The following SUGT1 variants were observed in gnomAD, a reference collection of about 807,000 sequenced individuals.
SUGT1 encodes the protein protein SGT1 homolog.
A neutral mutation model predicts 56.1 loss-of-function variants in SUGT1; 15 were observed. The observed-to-expected ratio is 0.27, with a 90% CI of 0.18 to 0.41. The LOEUF is 0.41. Among genes scored for constraint, SUGT1 ranks in the 10% least tolerant of loss-of-function variants. The probability of loss-of-function intolerance (pLI) is 1.00; values close to 1 mark genes in which losing one functional copy is unlikely to be tolerated. For missense variants in SUGT1, 347 were observed against 382.2 expected (o/e 0.91, Z 0.77); for synonymous variants, 123 against 128.6 (o/e 0.96, Z 0.30).
intron 11 of SUGT1, among the ~76,000 whole-genome samples, chr13:52,677,468 T>C (rs902217089): frequency 6.6e-6 from 1 of 152,146 alleles, no homozygotes; most frequent in East Asian, 1.9e-4. Context: ...TGTGTTTCTT[T>C]TAGGACTGAC....
intron 12 of SUGT1, among the ~76,000 whole-genome samples, chr13:52,682,359 T>C (rs1963412931): frequency 1.8e-5 from 2 of 114,208 alleles, no homozygotes; most frequent in African/African-American, 6.8e-5. Context: ...CTGCCATGCC[T>C]GGCTAATTTT....
At chr13:52,661,873 TTTTAA>T (rs769204371) in intron 5 of SUGT1, among the ~76,000 whole-genome samples, 81 of 152,164 alleles carry the variant, frequency 5.3e-4, no homozygotes, top group Admixed American at 7.2e-4. Context: ...GTTAAGAAAT[TTTTAA>T]TTTAAGATTT....
At chr13:52,655,188 A>G (rs926421972) in intron 2 of SUGT1, among the ~76,000 whole-genome samples, 21 of 152,202 alleles carry the variant, frequency 1.4e-4, no homozygotes, top group Non-Finnish European at 2.6e-4. Flanking sequence ...TATTAAAAAT[A>G]CAAAAAATTA....
chr13:52,655,853 T>A (rs1962140337), intron 2 of SUGT1, among the ~76,000 whole-genome samples: 1 of 152,240 alleles, frequency 6.6e-6, no homozygotes, highest in South Asian at 2.1e-4. Context: ...GACCACTGTC[T>A]AGGCTCAAGA....
chr13:52,673,802 T>C (rs1963034068), intron 10 of SUGT1, among the ~76,000 whole-genome samples: 1 of 152,252 alleles, frequency 6.6e-6, no homozygotes, highest in Admixed American at 6.5e-5. Flanking sequence ...GCAATTTTAA[T>C]TTTTCAGATA....
chr13:52,693,516 T>A lies in SUGT1; in HGVS notation c.*5681T>A, dbSNP rs1963838131. On this transcript the variant is annotated 3_prime_UTR_variant, in exon 13 of 13. Coordinates refer to ENST00000310528, the MANE Select transcript of SUGT1 (RefSeq NM_006704.5). ...AAATGCATGGACTCTGAAGCCATCC[T>A]GTTTGGGATCATCCTGGCTACATTG... 1 of 152,238 alleles carries A rather than the reference T, an allele frequency of 6.6e-6. No homozygotes were observed. The allele number at this position is 152,238 out of a possible 1,614,324, so 9.4% of individuals were successfully genotyped here.
Position 52,665,685 on chromosome 13 carries a change from C to G in SUGT1, c.471C>G (p.Ile157Met). The change falls in exon 9 of 13, where the codon ATC becomes ATG. Residue 157 changes from isoleucine (I) to methionine (M), a missense_variant. By Grantham distance (10) the Ile-to-Met change is conservative (BLOSUM62 1). Coordinates refer to ENST00000310528, the MANE Select transcript of SUGT1 (RefSeq NM_006704.5). ...TESQVVITLM[I>M]KNVQKNDVNV... ...CTCAAGTAGTCATTACACTTATGAT[C>G]AAGAATGTTCAGAAGAATGATGTAA... 4.4e-6 allele frequency: 7 copies of G among 1,606,536 alleles called. No individual in the cohort carries two copies. Among genetic ancestry groups the G allele is most frequent in the Non-Finnish European group, 5.9e-6 (7 of 1,177,610 alleles).
At position 52,665,618 on chromosome 13, in the gene SUGT1, T is replaced by TC; in HGVS notation, c.423-18dup. On this transcript the variant is annotated intron_variant, in intron 8 of 12. Coordinates refer to ENST00000310528, the MANE Select transcript of SUGT1 (RefSeq NM_006704.5). ...AAAAATTAGAAGAGTTACCTAAGTT[T>TC]CTTTTTTTTTTTTAATAGGTATGAC... The TC allele has an allele frequency of 6.7e-7, 1 of 1,489,924 alleles. No individual in the cohort carries two copies. The highest frequency in any genetic ancestry group is 9.0e-7 in the Non-Finnish European group (1 of 1,106,884). The allele number at this position is 1,489,924 out of a possible 1,614,324, so 92.3% of individuals were successfully genotyped here. A position where few individuals can be genotyped will look rare whatever the true frequency, so the allele number is the denominator to read the frequency against.
chr13:52,676,199 A>C (rs752209686), intron 10 of SUGT1, 31 bp from the exon 11 acceptor site: 2 of 1,562,540 alleles, frequency 1.3e-6, no homozygotes, highest in South Asian at 2.4e-5. Flanking sequence ...TTTTACGTCG[A>C]GTAATGGAGT....
chr13:52,679,197 A>G (rs981470657), intron 11 of SUGT1, among the ~76,000 whole-genome samples: 2 of 152,026 alleles, frequency 1.3e-5, no homozygotes, highest in Non-Finnish European at 2.9e-5. Flanking sequence ...TTATTTTCTA[A>G]TTATTTGTGT....
rs1179899208 is a variant in SUGT1, at chr13:52,684,778, T to A, written c.901-2956T>A. Among the ~76,000 whole-genome samples the A allele has an allele frequency of 2.0e-5, 3 of 152,048 alleles. No homozygotes were observed. In the East Asian group the frequency reaches 5.8e-4, roughly 29 times the overall value. On this transcript the variant is annotated intron_variant, in intron 12 of 12. Coordinates refer to ENST00000310528, the MANE Select transcript of SUGT1 (RefSeq NM_006704.5). ...CTTGAACTCAAGCAGTCCTCCCATG[T>A]TGACCTCCCAAAGTGCTGAGATTAC...
At chr13:52,659,137 A>AT (rs748320870) in intron 4 of SUGT1, 42 bp from the exon 5 acceptor site, 11 of 1,471,452 alleles carry the variant, frequency 7.5e-6, no homozygotes, top group Non-Finnish European at 9.1e-6. Context: ...TATTTTCCAG[A>AT]TTTTTTGTGT....
intron 2 of SUGT1, among the ~76,000 whole-genome samples, chr13:52,657,316 G>T (rs1424943618): frequency 6.6e-6 from 1 of 152,160 alleles, no homozygotes; most frequent in Non-Finnish European, 1.5e-5. Flanking sequence ...ACGGTACAGA[G>T]ATGCTACATT....
At chr13:52,654,943 G>GT (rs1962087612) in intron 2 of SUGT1, among the ~76,000 whole-genome samples, 2 of 152,298 alleles carry the variant, frequency 1.3e-5, no homozygotes, top group South Asian at 4.1e-4. Context: ...TCTTTTGGTT[G>GT]TATGTACCTA....
intron 3 of SUGT1, among the ~76,000 whole-genome samples, 177 bp downstream of exon 3, chr13:52,657,799 T>C (rs1962239773): frequency 6.6e-6 from 1 of 152,212 alleles, no homozygotes; most frequent in Non-Finnish European, 1.5e-5. Context: ...GGATGTCGCT[T>C]TTTCCTTCAT....
At chr13:52,677,483 A>G (rs1021225925) in intron 11 of SUGT1, among the ~76,000 whole-genome samples, 7 of 152,074 alleles carry the variant, frequency 4.6e-5, no homozygotes, top group African/African-American at 9.7e-5. Context: ...ACTGACTCCA[A>G]TAGATTTTGA....
chr13:52,700,441 T>A lies in SUGT1; in HGVS notation c.*12606T>A, dbSNP rs1400277890. 6.6e-6 allele frequency: 1 copy of A among 152,168 alleles called. No individual in the cohort carries two copies. Among genetic ancestry groups the A allele is most frequent in the Non-Finnish European group, 1.5e-5 (1 of 68,008 alleles). The allele number at this position is 152,168 out of a possible 1,614,324, so 9.4% of individuals were successfully genotyped here. A position where few individuals can be genotyped will look rare whatever the true frequency, so the allele number is the denominator to read the frequency against. On this transcript the variant is annotated 3_prime_UTR_variant, in exon 13 of 13. Transcript: ENST00000310528. ...AGTTGAAGTAAAACCTGTAGTGAGTTCTTCAGTCAGTCAACACTAAACCTG... is the reference window on the plus strand; with the variant it reads ...AGTTGAAGTAAAACCTGTAGTGAGTACTTCAGTCAGTCAACACTAAACCTG...
chr13:52,666,981 C>A, intron 10 of SUGT1, 62 bp downstream of exon 10: 1 of 1,097,076 alleles, frequency 9.1e-7, no homozygotes, highest in Non-Finnish European at 1.4e-6. Context: ...TACTGGTGAA[C>A]TAATCACCCA....
chr13:52,653,134 C>T (rs763450200), intron 2 of SUGT1, 31 bp downstream of exon 2: 14 of 1,613,538 alleles, frequency 8.7e-6, no homozygotes, highest in South Asian at 5.5e-5. Flanking sequence ...TTCCTCCACT[C>T]TTCTTAGGGG....
Sources: allele counts gnomAD v4.1 joint callset (sites outside exome capture counted in the v4.1 genomes callset), GRCh38; gene constraint gnomAD v4.1.1; transcripts MANE v1.5; gene names NCBI Gene and HGNC (gene_info 2026-07-23, HGNC 2026-07-21).